Variants in ITSN1 observed in about 807,000 individuals in gnomAD.
The protein encoded by ITSN1 is intersectin 1.
Under a neutral mutation model 239.8 loss-of-function variants are expected in ITSN1, and 58 were observed. That is an observed-to-expected ratio of 0.24 (90% confidence interval 0.20 to 0.30). ITSN1 has a LOEUF of 0.30. Among genes scored for constraint, ITSN1 ranks in the 10% least tolerant of loss-of-function variants. The pLI, the probability that ITSN1 is intolerant of heterozygous loss-of-function variation, is 1.00. For missense variants in ITSN1, 1,558 were observed against 2,103.3 expected, an observed-to-expected ratio of 0.74 and a Z score of 5.07; for synonymous variants, 780 against 770.8, an observed-to-expected ratio of 1.01 and a Z score of -0.20.
chr21:33,645,418 A>G (rs540015585), intron 1 of ITSN1, among the ~76,000 whole-genome samples: 30 of 152,322 alleles, frequency 2.0e-4, no homozygotes, highest in African/African-American at 7.0e-4. Flanking sequence ...TGAAGTAGGA[A>G]TAGCTTGGGC....
At chr21:33,826,400 G>C (rs916126692) in intron 25 of ITSN1, among the ~76,000 whole-genome samples, 2 of 152,194 alleles carry the variant, frequency 1.3e-5, no homozygotes. Flanking sequence ...CGGGTAGTAG[G>C]CTCGTGAGTT....
intron 22 of ITSN1, chr21:33,817,607 C>T (rs2073375772): frequency 7.8e-7 from 1 of 1,284,440 alleles, no homozygotes; most frequent in East Asian, 5.6e-5. Flanking sequence ...TACTGCCCAT[C>T]TTTATAGTGC....
intron 1 of ITSN1, among the ~76,000 whole-genome samples, chr21:33,704,923 T>TAAAAAAAAAAAAAA (rs55966725): frequency 1.5e-4 from 14 of 93,648 alleles, no homozygotes; most frequent in South Asian, 7.9e-4. Flanking sequence ...CCATCTCTAC[T>TAAAAAAAAAAAAAA]AAAAAAAAAA....
chr21:33,666,467 AAAAT>A (rs2089937785), intron 1 of ITSN1, among the ~76,000 whole-genome samples: 1 of 107,572 alleles, frequency 9.3e-6, no homozygotes, highest in Admixed American at 9.7e-5. Flanking sequence ...CAATTTAAAA[AAAAT>A]AAATATTTCG....
chr21:33,759,525 T>C (rs1256800534), intron 8 of ITSN1, among the ~76,000 whole-genome samples: 1 of 152,206 alleles, frequency 6.6e-6, no homozygotes, highest in Non-Finnish European at 1.5e-5. Context: ...AATCACCCAC[T>C]AAAGTTTTGT....
Position 33,717,729 on chromosome 21 carries a change from T to TTTG in ITSN1, c.-32-1067_-32-1066insTGT, listed in dbSNP as rs1555885350. ...CGCCACCACGCCCAGCTAATTTTTT[T>TTTG]TGTGTGTGTGTGTGTTTCCAGTAGA... On this transcript the variant is annotated intron_variant, in intron 1 of 39. Transcript: ENST00000381318. 4.0e-5 allele frequency among the ~76,000 whole-genome samples: 6 copies of TTTG among 151,656 alleles called. No homozygotes were observed. The East Asian group carries it at 9.8e-4, about 25-fold the overall frequency.
intron 1 of ITSN1, among the ~76,000 whole-genome samples, chr21:33,698,102 T>C (rs1453135532): frequency 6.6e-6 from 1 of 152,226 alleles, no homozygotes; most frequent in Non-Finnish European, 1.5e-5. Context: ...ATGAATTCTC[T>C]CTTCCTGCCA....
chr21:33,717,354 G>A (rs1158512555), intron 1 of ITSN1, among the ~76,000 whole-genome samples: 5 of 151,582 alleles, frequency 3.3e-5, no homozygotes, highest in Admixed American at 6.6e-5. Flanking sequence ...ATGCAACCAC[G>A]CCTGGCTAAT....
intron 20 of ITSN1, 131 bp from the exon 21 acceptor site, chr21:33,810,839 TTGGAC>T: frequency 2.0e-6 from 2 of 1,007,326 alleles, no homozygotes; most frequent in Middle Eastern, 2.3e-4. Context: ...TCCCAGACAC[TTGGAC>T]TAAGATGAAG....
At position 33,899,471 on chromosome 21, in the gene ITSN1, G is replaced by A. The variant is rs753185290; in HGVS notation, c.*11171G>A. ...CCATAAAAGAGAGACTATATTGTCTGATATGTAATGTTAATGGAATTCTAA... is the reference window on the plus strand; with the variant it reads ...CCATAAAAGAGAGACTATATTGTCTAATATGTAATGTTAATGGAATTCTAA... On this transcript the variant is annotated 3_prime_UTR_variant, in exon 40 of 40. Transcript: ENST00000381318. The A allele has an allele frequency of 2.6e-5, 4 of 152,170 alleles. No homozygotes were observed. Among genetic ancestry groups the A allele is most frequent in the African/African-American group, 7.2e-5 (3 of 41,440 alleles). The allele number at this position is 152,170 out of a possible 1,614,324, so 9.4% of individuals were successfully genotyped here.
At position 33,847,258 on chromosome 21, in the gene ITSN1, C is replaced by G. The variant is rs190102892; in HGVS notation, c.3662-9478C>G. 5.0e-3 allele frequency among the ~76,000 whole-genome samples: 759 copies of G among 152,316 alleles called. 6 individuals are homozygous for G. Among genetic ancestry groups the G allele is most frequent in the African/African-American group, 0.017 (720 of 41,560 alleles). On this transcript the variant is annotated intron_variant, in intron 29 of 39. Transcript: ENST00000381318. ...TGGGGCTGTCCAGGAACCGGTCAGCCAAGGGTCATTTTCAGAGAAGGCCTG... is the reference window on the plus strand; with the variant it reads ...TGGGGCTGTCCAGGAACCGGTCAGCGAAGGGTCATTTTCAGAGAAGGCCTG...
chr21:33,646,171 G>T (rs1462477232), intron 1 of ITSN1, among the ~76,000 whole-genome samples: 1 of 152,172 alleles, frequency 6.6e-6, no homozygotes, highest in South Asian at 2.1e-4. Context: ...TAAATTAGGA[G>T]CCACAAGCAC....
At chr21:33,861,604 T>G (rs1280205675) in intron 31 of ITSN1, among the ~76,000 whole-genome samples, 1 of 152,124 alleles carries the variant, frequency 6.6e-6, no homozygotes, top group Non-Finnish European at 1.5e-5. Flanking sequence ...GTCTAGAACC[T>G]TTTTATATCC....
intron 27 of ITSN1, among the ~76,000 whole-genome samples, chr21:33,833,188 T>A (rs1315389421): frequency 1.3e-5 from 2 of 152,124 alleles, no homozygotes; most frequent in Admixed American, 1.3e-4. Context: ...TCCCCGGGTT[T>A]ATAGGGACAG....
intron 31 of ITSN1, among the ~76,000 whole-genome samples, chr21:33,862,134 C>T (rs1226488022): frequency 1.6e-5 from 2 of 123,448 alleles, no homozygotes; most frequent in Non-Finnish European, 3.1e-5. Context: ...CACTGCACTT[C>T]AGCCTGGGCA....
chr21:33,648,389 C>A (rs2088177558), intron 1 of ITSN1, among the ~76,000 whole-genome samples: 1 of 152,160 alleles, frequency 6.6e-6, no homozygotes, highest in Non-Finnish European at 1.5e-5. Flanking sequence ...AAACTCTTAG[C>A]CTGTTTCCTA....
intron 1 of ITSN1, among the ~76,000 whole-genome samples, chr21:33,718,512 C>T (rs1350437277): frequency 2.0e-5 from 3 of 152,074 alleles, no homozygotes; most frequent in Non-Finnish European, 1.5e-5. Context: ...TGCAAGAGGA[C>T]GTGCTTAGGT....
intron 33 of ITSN1, among the ~76,000 whole-genome samples, chr21:33,871,712 G>C (rs1024802220): frequency 5.9e-5 from 9 of 151,694 alleles, no homozygotes; most frequent in Admixed American, 5.9e-4. Context: ...CTGCACTCCA[G>C]CCTGGCGACA....
intron 1 of ITSN1, among the ~76,000 whole-genome samples, chr21:33,646,125 T>G (rs1287302507): frequency 6.6e-6 from 1 of 152,208 alleles, no homozygotes; most frequent in African/African-American, 2.4e-5. Context: ...GCCCAGCATA[T>G]TACAAAAAAA....
Sources: allele counts gnomAD v4.1 joint callset (sites outside exome capture counted in the v4.1 genomes callset), GRCh38; gene constraint gnomAD v4.1.1; transcripts MANE v1.5; gene names NCBI Gene and HGNC (gene_info 2026-07-23, HGNC 2026-07-21).